Variants in BMPR2 observed in about 807,000 individuals in gnomAD.
BMPR2 encodes the protein bone morphogenetic protein receptor type-2.
Under a neutral mutation model 100.8 loss-of-function variants are expected in BMPR2, and 29 were observed. The observed-to-expected ratio is 0.29, with a 90% CI of 0.21 to 0.39. The LOEUF is 0.39. Among genes scored for constraint, BMPR2 ranks in the 10% least tolerant of loss-of-function variants. The pLI is 1.00. For synonymous variants in BMPR2, 382 were observed against 442.3 expected, an observed-to-expected ratio of 0.86 and a Z score of 1.71; for missense variants, 1,011 against 1,274.5, an observed-to-expected ratio of 0.79 and a Z score of 3.15.
chr2:202,480,224 T>C (rs1005807446), intron 3 of BMPR2, among the ~76,000 whole-genome samples: 1 of 152,094 alleles, frequency 6.6e-6, no homozygotes, highest in African/African-American at 2.4e-5. Context: ...CCTCCACCTC[T>C]TGGGTTCACG....
In BMPR2 at chr2:202,559,900, C is replaced by T; in HGVS notation, c.3071C>T (p.Thr1024Ile). 1.2e-6 allele frequency: 2 copies of T among 1,614,088 alleles called. No individual in the cohort carries two copies. Among genetic ancestry groups the T allele is most frequent in the South Asian group, 2.2e-5 (2 of 91,080 alleles). Reference protein sequence around the residue: ...STAVYLAEGGTATTMVSKDIG... With the variant: ...STAVYLAEGGIATTMVSKDIG... ...GCTGTTTACCTTGCAGAAGGAGGCACTGCTACAACCATGGTGTCTAAAGAT... is the reference window on the plus strand; with the variant it reads ...GCTGTTTACCTTGCAGAAGGAGGCATTGCTACAACCATGGTGTCTAAAGAT... Residue 1024 changes from threonine (T) to isoleucine (I), a missense_variant, in exon 13 of 13, where the codon ACT becomes ATT. Around this residue, in one of 6 missense-constraint regions of BMPR2, gnomAD observed 58 missense variants for 72.3 expected, o/e 0.80. Coordinates refer to ENST00000374580, the MANE Select transcript of BMPR2 (RefSeq NM_001204.7).
chr2:202,465,856 A>G (rs951820879), intron 2 of BMPR2, among the ~76,000 whole-genome samples: 1 of 152,238 alleles, frequency 6.6e-6, no homozygotes, highest in Non-Finnish European at 1.5e-5. Context: ...CCGTCTCAAA[A>G]AAAAAAAAAT....
intron 1 of BMPR2, among the ~76,000 whole-genome samples, chr2:202,424,697 AAAAAT>A (rs1473127559): frequency 3.9e-5 from 6 of 152,132 alleles, no homozygotes; most frequent in Non-Finnish European, 7.3e-5. Flanking sequence ...CTCCGTCTCA[AAAAAT>A]AAAATAAAAA....
intron 7 of BMPR2, among the ~76,000 whole-genome samples, chr2:202,525,472 C>T (rs1687892600): frequency 6.6e-6 from 1 of 152,104 alleles, no homozygotes; most frequent in Non-Finnish European, 1.5e-5. Context: ...GCTGGGATTA[C>T]AGGCATGAGC....
At chr2:202,382,010 G>T (rs1690308569) in intron 1 of BMPR2, among the ~76,000 whole-genome samples, 1 of 150,954 alleles carries the variant, frequency 6.6e-6, no homozygotes, top group East Asian at 1.9e-4. Context: ...ACTTATTTTG[G>T]CACCTACTCA....
At chr2:202,528,257 G>A (rs185855845) in intron 7 of BMPR2, among the ~76,000 whole-genome samples, 1 of 152,274 alleles carries the variant, frequency 6.6e-6, no homozygotes, top group Admixed American at 6.5e-5. Flanking sequence ...GCGTGATCTC[G>A]GCTCACTGCA....
chr2:202,394,620 GA>G (rs1354995960), intron 1 of BMPR2, among the ~76,000 whole-genome samples: 1 of 152,046 alleles, frequency 6.6e-6, no homozygotes, highest in African/African-American at 2.4e-5. Context: ...CAGACTAACA[GA>G]ATAAGTACTT....
At chr2:202,541,421 C>T (rs548151855) in intron 9 of BMPR2, among the ~76,000 whole-genome samples, 68 of 152,162 alleles carry the variant, frequency 4.5e-4, no homozygotes, top group Non-Finnish European at 8.4e-4. Context: ...AAAGTGAGAG[C>T]GTTTCTTTGA....
chr2:202,460,410 G>A (rs2105955938), intron 1 of BMPR2, among the ~76,000 whole-genome samples: 1 of 152,238 alleles, frequency 6.6e-6, no homozygotes, highest in Admixed American at 6.5e-5. Flanking sequence ...TTTGGCATTT[G>A]ACATTAGAAT....
At chr2:202,413,175 G>A (rs146670551) in intron 1 of BMPR2, among the ~76,000 whole-genome samples, 2 of 152,248 alleles carry the variant, frequency 1.3e-5, no homozygotes, top group East Asian at 1.9e-4. Flanking sequence ...TGTCCTGTTC[G>A]TGGCCCATTT....
At chr2:202,416,263 T>C (rs937944886) in intron 1 of BMPR2, among the ~76,000 whole-genome samples, 1 of 151,058 alleles carries the variant, frequency 6.6e-6, no homozygotes, top group Non-Finnish European at 1.5e-5. Context: ...GGAGGAAGAG[T>C]TGCTTTTTTT....
At chr2:202,554,562 T>G (rs529385515) in intron 11 of BMPR2, among the ~76,000 whole-genome samples, 1 of 152,292 alleles carries the variant, frequency 6.6e-6, no homozygotes, top group East Asian at 1.9e-4. Context: ...ATCTCCCTTA[T>G]AAATAACTGT....
At chr2:202,463,476 C>G (rs1559046095) in intron 1 of BMPR2, among the ~76,000 whole-genome samples, 1 of 152,110 alleles carries the variant, frequency 6.6e-6, no homozygotes, top group Non-Finnish European at 1.5e-5. Context: ...AATAAATCAG[C>G]CTCAGTGCTA....
intron 1 of BMPR2, among the ~76,000 whole-genome samples, chr2:202,418,589 T>G (rs1041331340): frequency 5.3e-5 from 8 of 152,278 alleles, no homozygotes; most frequent in African/African-American, 1.9e-4. Context: ...AGTCAACACA[T>G]GTAAGGTGAA....
intron 1 of BMPR2, among the ~76,000 whole-genome samples, chr2:202,385,491 G>A (rs1240422176): frequency 4.1e-5 from 6 of 146,794 alleles, no homozygotes; most frequent in Non-Finnish European, 8.9e-5. Flanking sequence ...TCAGCCGCCC[G>A]AGTAGCTGGG....
intron 3 of BMPR2, among the ~76,000 whole-genome samples, chr2:202,502,771 G>T (rs965727723): frequency 2.3e-4 from 35 of 152,148 alleles, no homozygotes; most frequent in Non-Finnish European, 4.9e-4. Flanking sequence ...ACCAGTCGGG[G>T]GTAGCACAAG....
At chr2:202,548,057 C>G (rs1688407360) in intron 10 of BMPR2, among the ~76,000 whole-genome samples, 1 of 147,032 alleles carries the variant, frequency 6.8e-6, no homozygotes, top group South Asian at 2.2e-4. Context: ...TGCACTCCAG[C>G]CTGAGCAACA....
intron 1 of BMPR2, among the ~76,000 whole-genome samples, chr2:202,411,075 A>C (rs1165382826): frequency 6.6e-6 from 1 of 152,174 alleles, no homozygotes; most frequent in African/African-American, 2.4e-5. Context: ...GCAAGAATCA[A>C]CCAATGGATG....
At chr2:202,434,925 A>T (rs1296562955) in intron 1 of BMPR2, among the ~76,000 whole-genome samples, 1 of 118,022 alleles carries the variant, frequency 8.5e-6, no homozygotes. Flanking sequence ...ATATATATAT[A>T]TATATATATA....
Sources: gnomAD v4.1 joint callset for allele counts (sites outside exome capture counted in the v4.1 genomes callset) on GRCh38, gnomAD v4.1.1 for gene constraint, gnomAD v4.1.1 regional missense constraint, MANE v1.5 for transcripts, NCBI Gene and HGNC (gene_info 2026-07-23, HGNC 2026-07-21) for gene names.